RIMS3: variants seen among roughly 807,000 people sequenced by gnomAD.
RIMS3 encodes regulating synaptic membrane exocytosis protein 3.
A neutral mutation model predicts 29.2 loss-of-function variants in RIMS3; 15 were observed. That is an observed-to-expected ratio of 0.51 (90% CI 0.34 to 0.79). The LOEUF is 0.79. Ranked by LOEUF, RIMS3 falls within the 30% of genes least tolerant of loss-of-function variation. The pLI is 0.01. For synonymous variants in RIMS3, 161 were observed against 170.1 expected (o/e 0.95, Z 0.41); for missense variants, 342 against 421.4 (o/e 0.81, Z 1.65).
At chr1:40,634,882 G>C (rs1053245845) in intron 4 of RIMS3, among the ~76,000 whole-genome samples, 8 of 151,616 alleles carry the variant, frequency 5.3e-5, no homozygotes, top group African/African-American at 1.9e-4. Context: ...TGGAGGTTGT[G>C]GTGAGCTGAG....
At chr1:40,639,756 A>G (rs1646543930) in intron 3 of RIMS3, among the ~76,000 whole-genome samples, 1 of 152,126 alleles carries the variant, frequency 6.6e-6, no homozygotes, top group Non-Finnish European at 1.5e-5. Flanking sequence ...ATGCCTCATC[A>G]ATAAAATAAG....
At chr1:40,681,101 T>G in the RIMS3 span, among the ~76,000 whole-genome samples, 20 of 152,326 alleles carry the variant, frequency 1.3e-4, no homozygotes, top group East Asian at 3.9e-3. Context: ...ACTGGAATAT[T>G]TCATTTACTC....
At chr1:40,690,288 A>G in the RIMS3 span, 25 of 152,240 alleles carry the variant, frequency 1.6e-4, no homozygotes, top group African/African-American at 6.0e-4. Flanking sequence ...CTGTCTCTAC[A>G]ATCTCAACAT....
At chr1:40,628,691 A>G (rs1570169547) in intron 7 of RIMS3, 119 bp downstream of exon 7, 1 of 1,348,716 alleles carries the variant, frequency 7.4e-7, no homozygotes, top group African/African-American at 1.4e-5. Context: ...GTAAATGAGT[A>G]ACGCAAATTA....
chr1:40,684,013 CATA>C, the RIMS3 span, among the ~76,000 whole-genome samples: 3 of 152,146 alleles, frequency 2.0e-5, no homozygotes, highest in African/African-American at 7.2e-5. Context: ...TCCCCCTTTC[CATA>C]ATGATACTTG....
At chr1:40,660,683 G>A (rs556682266) in intron 1 of RIMS3, among the ~76,000 whole-genome samples, 5 of 151,926 alleles carry the variant, frequency 3.3e-5, no homozygotes, top group African/African-American at 9.7e-5. Flanking sequence ...GTGAGCCACC[G>A]CACCCAGCCA....
chr1:40,639,743 T>C (rs1646543751), intron 3 of RIMS3, among the ~76,000 whole-genome samples: 2 of 152,192 alleles, frequency 1.3e-5, no homozygotes, highest in Admixed American at 1.3e-4. Flanking sequence ...CCCCAGGCTC[T>C]GGATGCCTCA....
chr1:40,681,874 C>T, the RIMS3 span, among the ~76,000 whole-genome samples: 1 of 152,196 alleles, frequency 6.6e-6, no homozygotes, highest in East Asian at 1.9e-4. Flanking sequence ...GCTCTTGTCA[C>T]TCCGACTGGA....
At chr1:40,681,986 AC>A in the RIMS3 span, among the ~76,000 whole-genome samples, 1 of 151,996 alleles carries the variant, frequency 6.6e-6, no homozygotes, top group Non-Finnish European at 1.5e-5. Context: ...GGTGCCCACC[AC>A]CCCACCCAGC....
At chr1:40,638,449 G>C (rs1236551160) in intron 3 of RIMS3, among the ~76,000 whole-genome samples, 2 of 152,160 alleles carry the variant, frequency 1.3e-5, no homozygotes, top group East Asian at 3.8e-4. Context: ...TCAGTTGCTT[G>C]CAATAATTCT....
chr1:40,668,027 C>T (rs559058166), upstream of RIMS3, among the ~76,000 whole-genome samples: 4 of 151,986 alleles, frequency 2.6e-5, no homozygotes, highest in Admixed American at 6.6e-5. Context: ...CCGAGGCAGG[C>T]GGATCACAAG....
the RIMS3 span, among the ~76,000 whole-genome samples, chr1:40,680,333 T>G: frequency 6.7e-6 from 1 of 149,550 alleles, no homozygotes; most frequent in South Asian, 2.1e-4. Context: ...GTAAATAGTT[T>G]TTTTTTTTTT....
upstream of RIMS3, among the ~76,000 whole-genome samples, chr1:40,667,239 T>C (rs931736159): frequency 6.6e-6 from 1 of 152,162 alleles, no homozygotes; most frequent in Admixed American, 6.5e-5. Context: ...TGATTATATT[T>C]ACATATTAAT....
chr1:40,637,701 C>G (rs915302862), intron 3 of RIMS3, among the ~76,000 whole-genome samples: 2 of 152,188 alleles, frequency 1.3e-5, no homozygotes, highest in African/African-American at 4.8e-5. Context: ...GACTCTGCCA[C>G]CTTCAGTCAA....
At chr1:40,637,460 T>C (rs1159668154) in intron 3 of RIMS3, among the ~76,000 whole-genome samples, 1 of 152,074 alleles carries the variant, frequency 6.6e-6, no homozygotes, top group African/African-American at 2.4e-5. Flanking sequence ...TATTCAGGAA[T>C]CCATGACACC....
chr1:40,666,736 T>C (rs1642432833), upstream of RIMS3, among the ~76,000 whole-genome samples: 1 of 152,116 alleles, frequency 6.6e-6, no homozygotes, highest in African/African-American at 2.4e-5. Context: ...TGAATTAAAA[T>C]GTAAATGGGA....
At chr1:40,629,394 G>A in intron 5 of RIMS3, 22 bp from the exon 6 acceptor site, 2 of 1,601,320 alleles carry the variant, frequency 1.2e-6, no homozygotes, top group South Asian at 1.1e-5. Context: ...AAGAGGGTGA[G>A]TCCAGGCAGG....
chr1:40,660,352 G>A (rs35776814), intron 1 of RIMS3, among the ~76,000 whole-genome samples: 45,015 of 150,832 alleles, frequency 0.3, 7,091 homozygotes, highest in Middle Eastern at 0.4. Flanking sequence ...CCAGGAAGCA[G>A]TCACACCTGC....
At chr1:40,680,084 CAGG>C in the RIMS3 span, among the ~76,000 whole-genome samples, 3 of 151,704 alleles carry the variant, frequency 2.0e-5, no homozygotes, top group Non-Finnish European at 4.4e-5. Context: ...CACTTGAGCC[CAGG>C]AGTTTTGAGA....
Sources: gnomAD v4.1 joint callset for allele counts (sites outside exome capture counted in the v4.1 genomes callset) on GRCh38, gnomAD v4.1.1 for gene constraint, MANE v1.5 for transcripts, NCBI Gene and HGNC (gene_info 2026-07-23, HGNC 2026-07-21) for gene names.